PCSK6: variants seen among roughly 807,000 people sequenced by gnomAD.
PCSK6 encodes the protein paired basic amino acid cleaving enzyme 4.
Under a neutral mutation model 123.3 loss-of-function variants are expected in PCSK6, and 85 were observed. That is an observed-to-expected ratio of 0.69 (90% CI 0.58 to 0.83). The LOEUF is 0.83. PCSK6 is among the 40% of genes least tolerant of loss of function. PCSK6 has a pLI of 0.00. For synonymous variants in PCSK6, 508 were observed against 516.0 expected (o/e 0.98, Z 0.21); for missense variants, 1,191 against 1,282.3 (o/e 0.93, Z 1.09).
chr15:101,332,132 G>C, intron 13 of PCSK6, 101 bp from the exon 14 acceptor site: 2 of 1,042,836 alleles, frequency 1.9e-6, no homozygotes, highest in Non-Finnish European at 2.7e-6. Context: ...TGATAGCTGG[G>C]CTCTGGCCTG....
intron 6 of PCSK6, among the ~76,000 whole-genome samples, chr15:101,417,885 T>G (rs183844476): frequency 3.7e-4 from 52 of 140,632 alleles, no homozygotes; most frequent in African/African-American, 1.4e-3. Context: ...AATTTTAACT[T>G]TTACTTTAGA....
At chr15:101,346,784 G>C in intron 13 of PCSK6, 1 of 1,230,610 alleles carries the variant, frequency 8.1e-7, no homozygotes, top group Non-Finnish European at 1.0e-6. Flanking sequence ...TATGAGGTGA[G>C]ACAAAGGTCA....
rs1335105742 is a variant in PCSK6, at chr15:101,370,333, A to G, written c.1721+2T>C. 1.3e-6 allele frequency: 2 copies of G among 1,532,388 alleles called. No individual in the cohort carries two copies. The highest frequency in any genetic ancestry group is 4.0e-5 in the Admixed American group (2 of 49,710). The allele number at this position is 1,532,388 out of a possible 1,614,324, so 94.9% of individuals were successfully genotyped here. ...CCCATCCCCACGCCTGCCTCGCCTT[A>G]CCTCTTTGCCAGAAGTTGAGACTTG... On this transcript the variant is annotated splice_donor_variant, in intron 12 of 21. Transcript: ENST00000611716. LOFTEE classifies it high-confidence loss of function.
chr15:101,387,035 G>A (rs1596271251), intron 9 of PCSK6, among the ~76,000 whole-genome samples: 1 of 152,142 alleles, frequency 6.6e-6, no homozygotes, highest in Admixed American at 6.5e-5. Context: ...CACTCTCCAG[G>A]CTCCAGCCCT....
intron 1 of PCSK6, among the ~76,000 whole-genome samples, chr15:101,488,973 G>A (rs980728714): frequency 6.7e-6 from 1 of 149,402 alleles, no homozygotes; most frequent in African/African-American, 2.4e-5. Context: ...AGCCGGGTGG[G>A]CGCCCAGGAC....
intron 17 of PCSK6, 55 bp downstream of exon 17, chr15:101,324,795 C>A: frequency 6.9e-7 from 1 of 1,456,210 alleles, no homozygotes; most frequent in Non-Finnish European, 9.5e-7. Context: ...AGGACACGGG[C>A]CCAGAAAGTT....
chr15:101,344,727 T>A (rs866672989), intron 13 of PCSK6, among the ~76,000 whole-genome samples: 1 of 152,126 alleles, frequency 6.6e-6, no homozygotes, highest in Non-Finnish European at 1.5e-5. Context: ...ACTTGGCTCA[T>A]TCCAACCTCT....
chr15:101,326,412 G>A lies in PCSK6; in HGVS notation c.2145C>T (p.Cys715=), dbSNP rs371177659. ...DGPNADQCLN[C]VHFSLGSVKT... ...TGACACTCCCCAGGCTGAAGTGGACGCAGTTCAAGCACTGGTCTGCATTGG... is the reference window on the plus strand; with the variant it reads ...TGACACTCCCCAGGCTGAAGTGGACACAGTTCAAGCACTGGTCTGCATTGG... Residue 715 remains cysteine, a synonymous_variant, in exon 16 of 22, where the codon TGC becomes TGT. Transcript: ENST00000611716. 3.9e-5 allele frequency: 62 copies of A among 1,582,628 alleles called. No individual in the cohort carries two copies. In the African/African-American group the frequency reaches 5.3e-4, roughly 13 times the overall value.
At chr15:101,404,902 C>T (rs1326800961) in intron 6 of PCSK6, among the ~76,000 whole-genome samples, 1 of 152,092 alleles carries the variant, frequency 6.6e-6, no homozygotes. Flanking sequence ...TGTTGAAATG[C>T]CTATTTTTGA....
In PCSK6 at chr15:101,487,190, G is replaced by T. The variant is rs2058039668; in HGVS notation, c.297+2184C>A. On this transcript the variant is annotated intron_variant, in intron 1 of 21. Coordinates refer to ENST00000611716, the MANE Select transcript of PCSK6 (RefSeq NM_002570.5). ...GCTCGTTTTGGAATAAAGAGTAATA[G>T]GCCCTCCGTGAGTAATCACACACAA... is the stretch of plus-strand genomic sequence containing the variant. Among the ~76,000 whole-genome samples the T allele has an allele frequency of 2.6e-5, 4 of 152,206 alleles. No homozygotes were observed. In the South Asian group the frequency reaches 8.3e-4, roughly 32 times the overall value.
chr15:101,376,164 C>T (rs1238536961), intron 11 of PCSK6, among the ~76,000 whole-genome samples: 2 of 152,164 alleles, frequency 1.3e-5, no homozygotes, highest in East Asian at 3.9e-4. Flanking sequence ...GCAATCCTAG[C>T]TCACTGGAGC....
intron 10 of PCSK6, among the ~76,000 whole-genome samples, chr15:101,382,812 C>T (rs889012296): frequency 6.6e-6 from 1 of 152,178 alleles, no homozygotes; most frequent in African/African-American, 2.4e-5. Flanking sequence ...GAACTGCATA[C>T]AATCTATTCT....
At chr15:101,462,154 T>A (rs2057354231) in intron 1 of PCSK6, among the ~76,000 whole-genome samples, 1 of 152,314 alleles carries the variant, frequency 6.6e-6, no homozygotes, top group South Asian at 2.1e-4. Flanking sequence ...GGTGGCTAGA[T>A]GTGAGACCAA....
chr15:101,349,141 A>G (rs1163918338), intron 13 of PCSK6, among the ~76,000 whole-genome samples: 1 of 152,184 alleles, frequency 6.6e-6, no homozygotes, highest in African/African-American at 2.4e-5. Context: ...CTGAGCTCCA[A>G]AGAAAGCCAA....
intron 13 of PCSK6, among the ~76,000 whole-genome samples, chr15:101,357,776 G>A (rs1345940987): frequency 6.6e-6 from 1 of 152,180 alleles, no homozygotes; most frequent in Non-Finnish European, 1.5e-5. Context: ...GGTAGACACG[G>A]ATTTTCACCC....
chr15:101,469,819 T>C (rs2057560045), intron 1 of PCSK6, among the ~76,000 whole-genome samples: 1 of 152,222 alleles, frequency 6.6e-6, no homozygotes, highest in South Asian at 2.1e-4. Flanking sequence ...AAAGAAACAG[T>C]GGATCTGAAA....
intron 6 of PCSK6, among the ~76,000 whole-genome samples, chr15:101,420,689 T>G (rs1246987155): frequency 6.6e-6 from 1 of 152,194 alleles, no homozygotes; most frequent in East Asian, 1.9e-4. Context: ...AGATTTTTAT[T>G]AAAAAATTAT....
intron 13 of PCSK6, among the ~76,000 whole-genome samples, chr15:101,361,162 CTCTTT>C (rs1287682131): frequency 3.3e-5 from 4 of 120,010 alleles, no homozygotes; most frequent in Admixed American, 8.9e-5. Flanking sequence ...TTCTTTCTCT[CTCTTT>C]TTTTTTTTTT....
chr15:101,336,491 TG>T (rs766310302), intron 13 of PCSK6, among the ~76,000 whole-genome samples: 15 of 152,240 alleles, frequency 9.9e-5, no homozygotes, highest in Non-Finnish European at 1.5e-4. Context: ...TGGCTTACAT[TG>T]CCAATCCGAT....
Sources: allele counts gnomAD v4.1 joint callset (sites outside exome capture counted in the v4.1 genomes callset), GRCh38; gene constraint gnomAD v4.1.1; transcripts MANE v1.5; gene names NCBI Gene and HGNC (gene_info 2026-07-23, HGNC 2026-07-21).